The following BPIFB1 variants were observed in gnomAD, a reference collection of about 807,000 sequenced individuals.
The protein encoded by BPIFB1 is BPI fold containing family B member 1.
Under a neutral mutation model 55.1 loss-of-function variants are expected in BPIFB1, and 34 were observed. That is an observed-to-expected ratio of 0.62 (90% CI 0.47 to 0.82). The LOEUF is 0.82. Ranked by LOEUF, BPIFB1 falls within the 40% of genes least tolerant of loss-of-function variation. The pLI, the probability that BPIFB1 is intolerant of heterozygous loss-of-function variation, is 0.00. For synonymous variants in BPIFB1, 236 were observed against 245.3 expected (o/e 0.96, Z 0.35); for missense variants, 532 against 593.1 (o/e 0.90, Z 1.07).
At chr20:33,307,031 A>G (rs755945905) in intron 15 of BPIFB1, 44 bp downstream of exon 15, 5 of 1,550,558 alleles carry the variant, frequency 3.2e-6, no homozygotes, top group South Asian at 1.1e-5. Context: ...GGGAGGGCAC[A>G]GCCACTGAGA....
chr20:33,304,218 T>C (rs1378776592), intron 12 of BPIFB1, among the ~76,000 whole-genome samples, 193 bp downstream of exon 12: 2 of 152,136 alleles, frequency 1.3e-5, no homozygotes, highest in Non-Finnish European at 2.9e-5. Context: ...AAGTAGGCCT[T>C]GCAGCAGCCA....
intron 6 of BPIFB1, among the ~76,000 whole-genome samples, chr20:33,293,262 T>A (rs1408106837): frequency 6.7e-6 from 1 of 149,950 alleles, no homozygotes; most frequent in Non-Finnish European, 1.5e-5. Flanking sequence ...AATGAAAAAA[T>A]TTGGGGAAAA....
intron 13 of BPIFB1, among the ~76,000 whole-genome samples, chr20:33,305,539 G>A (rs763942258): frequency 2.4e-4 from 36 of 151,998 alleles, no homozygotes; most frequent in Admixed American, 3.9e-4. Context: ...AGATGGTCTC[G>A]ATCTCCTGAC....
chr20:33,286,768 A>G (rs939655270), intron 2 of BPIFB1, among the ~76,000 whole-genome samples: 5 of 152,176 alleles, frequency 3.3e-5, no homozygotes, highest in African/African-American at 1.2e-4. Context: ...CCAAACAACT[A>G]TTTATTATGG....
chr20:33,300,649 C>T (rs185286980), intron 8 of BPIFB1, among the ~76,000 whole-genome samples: 145 of 152,302 alleles, frequency 9.5e-4, no homozygotes, highest in Non-Finnish European at 1.7e-3. Flanking sequence ...TGCAGTGGTG[C>T]CATCACAGCT....
chr20:33,306,025 C>T lies in BPIFB1; in HGVS notation c.1278C>T (p.Ile426=). The change falls in exon 14 of 16, where the codon ATC becomes ATT. Residue 426 remains isoleucine, a synonymous_variant. Transcript: ENST00000253354. The stretch of plus-strand genomic sequence containing the variant: ...AGCCTGATGTTCTGAAAAACATCAT[C>T]ACTGAGATCATCCACTCCATCCTGC... The part of the protein sequence containing the change: ...WFQPDVLKNI[I]TEIIHSILLP... 6.2e-7 allele frequency: 1 copy of T among 1,614,158 alleles called. No individual in the cohort carries two copies. The highest frequency in any genetic ancestry group is 8.5e-7 in the Non-Finnish European group (1 of 1,180,014).
intron 6 of BPIFB1, among the ~76,000 whole-genome samples, chr20:33,297,321 A>G (rs1980685344): frequency 1.3e-5 from 2 of 152,248 alleles, no homozygotes; most frequent in Non-Finnish European, 2.9e-5. Flanking sequence ...GCACAGGGAA[A>G]GGGACAAACC....
chr20:33,283,773 G>A (rs1202310707), intron 1 of BPIFB1, among the ~76,000 whole-genome samples: 3 of 152,118 alleles, frequency 2.0e-5, no homozygotes, highest in African/African-American at 7.2e-5. Flanking sequence ...AGAAGCAAAG[G>A]CTGGGAGAGG....
chr20:33,306,456 G>A (rs989913830), intron 14 of BPIFB1: 24 of 344,274 alleles, frequency 7.0e-5, no homozygotes, highest in African/African-American at 2.9e-4. Flanking sequence ...AAATGGGGAC[G>A]TAGAAGTACC....
At chr20:33,292,146 G>T (rs1021129974) in intron 6 of BPIFB1, among the ~76,000 whole-genome samples, 158 bp downstream of exon 6, 1 of 152,228 alleles carries the variant, frequency 6.6e-6, no homozygotes, top group Non-Finnish European at 1.5e-5. Flanking sequence ...GGAGTGGGGT[G>T]GGCCATTGAC....
chr20:33,306,704 G>A (rs1161568616), intron 14 of BPIFB1: 4 of 587,748 alleles, frequency 6.8e-6, no homozygotes, highest in Non-Finnish European at 1.2e-5. Context: ...TGCATTTTGT[G>A]AGGGGCCAGA....
chr20:33,284,476 GCAGA>G (rs1294809967), intron 1 of BPIFB1, among the ~76,000 whole-genome samples: 6 of 152,152 alleles, frequency 3.9e-5, no homozygotes, highest in African/African-American at 1.4e-4. Context: ...CAGGGAGCAG[GCAGA>G]CCCAGCCCTC....
rs1568650131 is a variant in BPIFB1, at chr20:33,295,682, G to GAAAGAAAGAAAGAAAGAA, written c.598-1842_598-1841insAAGAAAGAAAGAAAGAAA. Reference sequence around the variant, plus strand: ...AAAGAGAGAAAGAAAGAAAGAAAGAGAGAAAAAAAGGGAGAAAAGGAAGCA... The same window carrying GAAAGAAAGAAAGAAAGAA: ...AAAGAGAGAAAGAAAGAAAGAAAGAGAAAGAAAGAAAGAAAGAAAGAAAAAAAGGGAGAAAAGGAAGCA... On this transcript the variant is annotated intron_variant, in intron 6 of 15. Coordinates refer to ENST00000253354, the MANE Select transcript of BPIFB1 (RefSeq NM_033197.3). Among the ~76,000 whole-genome samples, 154 of 128,870 alleles carry GAAAGAAAGAAAGAAAGAA rather than the reference G, an allele frequency of 1.2e-3. 2 individuals are homozygous for GAAAGAAAGAAAGAAAGAA. The highest frequency in any genetic ancestry group is 6.3e-3 in the African/African-American group (150 of 23,994). 84.5% of individuals were successfully genotyped at this position (128,870 alleles called of 152,430 possible). A position where few individuals can be genotyped will look rare whatever the true frequency, so the allele number is the denominator to read the frequency against.
chr20:33,305,652 A>G (rs569013063), intron 13 of BPIFB1, among the ~76,000 whole-genome samples: 3 of 152,156 alleles, frequency 2.0e-5, no homozygotes, highest in East Asian at 3.9e-4. Context: ...TCCACATGCA[A>G]ATCAGGACTT....
intron 9 of BPIFB1, 146 bp from the exon 10 acceptor site, chr20:33,302,213 C>T: frequency 1.3e-6 from 1 of 782,602 alleles, no homozygotes; most frequent in Non-Finnish European, 2.2e-6. Flanking sequence ...GGCTGTTTTT[C>T]CACCAATGAC....
At chr20:33,290,736 G>A (rs577292411) in intron 4 of BPIFB1, among the ~76,000 whole-genome samples, 7 of 152,228 alleles carry the variant, frequency 4.6e-5, no homozygotes, top group African/African-American at 1.7e-4. Context: ...GGGGGCTGGG[G>A]GTAAGTTTGG....
chr20:33,297,702 C>A, intron 7 of BPIFB1, 114 bp downstream of exon 7: 2 of 1,083,944 alleles, frequency 1.8e-6, no homozygotes, highest in Non-Finnish European at 1.4e-6. Flanking sequence ...AACTCAGGCC[C>A]AGAAGCAGGT....
intron 7 of BPIFB1, among the ~76,000 whole-genome samples, chr20:33,298,180 T>C (rs1315194831): frequency 1.3e-5 from 2 of 152,220 alleles, no homozygotes; most frequent in South Asian, 2.1e-4. Context: ...ATCCATCTCG[T>C]TGCAGTTTCA....
intron 9 of BPIFB1, 69 bp from the exon 10 acceptor site, chr20:33,302,290 C>G (rs886615004): frequency 6.6e-7 from 1 of 1,513,972 alleles, no homozygotes; most frequent in Non-Finnish European, 9.2e-7. Context: ...TTCCTCCCAG[C>G]AGTGGGGTGC....
Sources: allele counts gnomAD v4.1 joint callset (sites outside exome capture counted in the v4.1 genomes callset), GRCh38; gene constraint gnomAD v4.1.1; transcripts MANE v1.5; gene names NCBI Gene and HGNC (gene_info 2026-07-23, HGNC 2026-07-21).